Variants in ADGRL3 observed in about 807,000 individuals in gnomAD.
ADGRL3 encodes calcium-independent alpha-latrotoxin receptor 3.
Under a neutral mutation model 153.5 loss-of-function variants are expected in ADGRL3, and 62 were observed. The ratio of observed to expected loss-of-function variants is 0.40; its 90% CI spans 0.33 to 0.50. The LOEUF (loss-of-function observed/expected upper bound fraction) is 0.50. Ranked by LOEUF, ADGRL3 falls within the 20% of genes least tolerant of loss-of-function variation. ADGRL3 has a pLI of 0.47. For missense variants in ADGRL3, 1,641 were observed against 1,859.4 expected, an observed-to-expected ratio of 0.88 and a Z score of 2.16; for synonymous variants, 710 against 672.5, an observed-to-expected ratio of 1.06 and a Z score of -0.86.
At chr4:61,803,467 A>T (rs1413850692) in intron 8 of ADGRL3, among the ~76,000 whole-genome samples, 1 of 152,112 alleles carries the variant, frequency 6.6e-6, no homozygotes, top group Non-Finnish European at 1.5e-5. Context: ...AGCTCTATTC[A>T]TCTATGACAT....
At chr4:61,500,205 T>G (rs186405443) in intron 3 of ADGRL3, among the ~76,000 whole-genome samples, 28 of 152,312 alleles carry the variant, frequency 1.8e-4, no homozygotes, top group African/African-American at 6.5e-4. Flanking sequence ...CTATTCAATA[T>G]TATCTTGAGT....
intron 2 of ADGRL3, among the ~76,000 whole-genome samples, chr4:61,404,596 G>A (rs951733082): frequency 2.0e-5 from 3 of 152,068 alleles, no homozygotes; most frequent in Non-Finnish European, 2.9e-5. Context: ...TCAGGTGGGT[G>A]TGACTGCTGA....
intron 1 of ADGRL3, among the ~76,000 whole-genome samples, chr4:61,259,579 T>G (rs960787184): frequency 1.3e-5 from 2 of 152,144 alleles, no homozygotes; most frequent in African/African-American, 4.8e-5. Context: ...GGTTTTCACT[T>G]TTATCCTCGT....
At chr4:62,031,196 G>A (rs1168798184) in intron 22 of ADGRL3, among the ~76,000 whole-genome samples, 1 of 151,340 alleles carries the variant, frequency 6.6e-6, no homozygotes, top group Non-Finnish European at 1.5e-5. Context: ...AATAATTTAT[G>A]GTACAAATCT....
chr4:61,852,512 G>A (rs142654035), intron 9 of ADGRL3, among the ~76,000 whole-genome samples: 2,560 of 151,716 alleles, frequency 0.017, 71 homozygotes, highest in African/African-American at 0.059. Flanking sequence ...ACGGGGTTTC[G>A]CCATGTTGGC....
intron 2 of ADGRL3, among the ~76,000 whole-genome samples, chr4:61,446,097 A>G (rs1184906140): frequency 6.6e-6 from 1 of 152,184 alleles, no homozygotes; most frequent in Non-Finnish European, 1.5e-5. Flanking sequence ...ATATAATGAC[A>G]TTATTTCTGA....
chr4:61,800,583 G>C (rs2097482218), intron 8 of ADGRL3, among the ~76,000 whole-genome samples: 3 of 152,154 alleles, frequency 2.0e-5, no homozygotes, highest in Admixed American at 6.5e-5. Context: ...TCTTAAAAAA[G>C]TTGATGTCTG....
intron 9 of ADGRL3, among the ~76,000 whole-genome samples, chr4:61,873,363 T>G (rs1301511863): frequency 6.6e-6 from 1 of 152,228 alleles, no homozygotes; most frequent in Non-Finnish European, 1.5e-5. Context: ...CTCCCTAACC[T>G]AATTCAAGCG....
chr4:61,449,150 T>TAATAA (rs2097642664), intron 2 of ADGRL3, among the ~76,000 whole-genome samples: 5 of 152,050 alleles, frequency 3.3e-5, no homozygotes, highest in Admixed American at 1.3e-4. Flanking sequence ...ATTAATTTAT[T>TAATAA]TTTTGAGACG....
chr4:61,284,889 C>G (rs1306603717), intron 1 of ADGRL3, among the ~76,000 whole-genome samples: 1 of 151,690 alleles, frequency 6.6e-6, no homozygotes, highest in East Asian at 1.9e-4. Context: ...CTTTTCTCCT[C>G]TCCTTTCTTC....
At position 61,979,581 on chromosome 4, in the gene ADGRL3, G is replaced by A. The variant is rs775879384; in HGVS notation, c.2824G>A (p.Asp942Asn). 21 of 1,613,690 alleles carry A rather than the reference G, an allele frequency of 1.3e-5. No individual in the cohort carries two copies. The highest frequency in any genetic ancestry group is 1.2e-4 in the Admixed American group (7 of 59,990). Reference protein sequence around the residue: ...VEVKHSDAVHDLLLDVITWVG... With the variant: ...VEVKHSDAVHNLLLDVITWVG... ...TTTCCAGCACAGTGATGCGGTCCAT[G>A]ACCTCCTTCTGGATGTGATCACGTG... Residue 942 changes from aspartate to asparagine, a missense_variant, in exon 18 of 27, where the codon GAC becomes AAC. This residue lies in a region of ADGRL3 where 734 missense variants were observed against 797.0 expected (regional missense o/e 0.92). Transcript: ENST00000683033.
In ADGRL3 at chr4:61,230,627, C is replaced by T. The variant is rs114433015; in HGVS notation, c.-240+28862C>T. Among the ~76,000 whole-genome samples the T allele has an allele frequency of 7.5e-4, 114 of 152,226 alleles. 1 individual carries two copies. Among genetic ancestry groups the T allele is most frequent in the Middle Eastern group, 3.4e-3 (1 of 294 alleles). Reference sequence around the variant, plus strand: ...TCTTGAACTCTGGCCTCAAGTCATCCTCCTGTTTCGGCCTCCCAAAGTGCT... The same window carrying T: ...TCTTGAACTCTGGCCTCAAGTCATCTTCCTGTTTCGGCCTCCCAAAGTGCT... On this transcript the variant is annotated intron_variant, in intron 1 of 26. Transcript: ENST00000683033.
In ADGRL3 at chr4:61,202,981, C is replaced by G. The variant is rs911833871; in HGVS notation, c.-240+1216C>G. Among the ~76,000 whole-genome samples the G allele has an allele frequency of 1.3e-5, 2 of 152,296 alleles. No individual in the cohort carries two copies. The highest frequency in any genetic ancestry group is 2.9e-5 in the Non-Finnish European group (2 of 68,008). On this transcript the variant is annotated intron_variant, in intron 1 of 26. Transcript: ENST00000683033. The surrounding 1 kb of genome is among the most constrained non-coding windows in gnomAD (Gnocchi z 5.0). Reference sequence around the variant, plus strand: ...ATCTGGTTTGAGGAGGCCACGGGGGCCCCCGCAGGGTGGCGAGGAAACCTT... The same window carrying G: ...ATCTGGTTTGAGGAGGCCACGGGGGGCCCCGCAGGGTGGCGAGGAAACCTT...
chr4:61,438,069 G>A (rs1171877952), intron 2 of ADGRL3, among the ~76,000 whole-genome samples: 31 of 152,072 alleles, frequency 2.0e-4, no homozygotes, highest in Non-Finnish European at 5.9e-5. Context: ...CTCCTCAGGG[G>A]CTGGCAACTT....
intron 8 of ADGRL3, among the ~76,000 whole-genome samples, chr4:61,811,910 C>A (rs148020768): frequency 6.6e-6 from 1 of 151,834 alleles, no homozygotes; most frequent in Non-Finnish European, 1.5e-5. Flanking sequence ...TACAGAAAAC[C>A]AATATTATTC....
chr4:61,707,564 G>C (rs1561098373), intron 6 of ADGRL3, among the ~76,000 whole-genome samples: 1 of 151,950 alleles, frequency 6.6e-6, no homozygotes, highest in Admixed American at 6.6e-5. Flanking sequence ...AAAGGTGTTT[G>C]ACCTTGATTT....
At chr4:61,745,733 T>A (rs776335359) in intron 8 of ADGRL3, among the ~76,000 whole-genome samples, 5 of 152,086 alleles carry the variant, frequency 3.3e-5, no homozygotes, top group African/African-American at 1.2e-4. Flanking sequence ...AAGGAACAAC[T>A]GGTACCAGCC....
intron 2 of ADGRL3, among the ~76,000 whole-genome samples, chr4:61,492,768 A>T (rs2098271815): frequency 2.0e-5 from 3 of 152,068 alleles, no homozygotes; most frequent in Non-Finnish European, 4.4e-5. Flanking sequence ...GAAGTTTCCA[A>T]GTAGTTGATG....
chr4:61,214,996 A>C (rs977583293), intron 1 of ADGRL3, among the ~76,000 whole-genome samples: 4 of 152,134 alleles, frequency 2.6e-5, no homozygotes, highest in Non-Finnish European at 5.9e-5. Flanking sequence ...AGTCAGGTAA[A>C]ATTAAAGAGG....
Sources: gnomAD v4.1 joint callset for allele counts (sites outside exome capture counted in the v4.1 genomes callset) on GRCh38, gnomAD v4.1.1 for gene constraint, gnomAD v4.1.1 regional missense constraint, Gnocchi (gnomAD v3.1) non-coding constraint, MANE v1.5 for transcripts, NCBI Gene and HGNC (gene_info 2026-07-23, HGNC 2026-07-21) for gene names.